Variants in TANC1 observed in about 807,000 individuals in gnomAD.
TANC1 encodes the protein protein TANC1.
Under a neutral mutation model 149.7 loss-of-function variants are expected in TANC1, and 77 were observed. The observed-to-expected ratio is 0.51, with a 90% CI of 0.43 to 0.62. TANC1 has a LOEUF of 0.62. TANC1 is among the 20% of genes least tolerant of loss of function. The pLI is 0.00. For missense variants in TANC1, 1,985 were observed against 2,321.8 expected (o/e 0.85, Z 2.98); for synonymous variants, 854 against 925.0 (o/e 0.92, Z 1.39).
At chr2:159,210,870 C>G (rs912686479) in intron 19 of TANC1, among the ~76,000 whole-genome samples, 3 of 150,244 alleles carry the variant, frequency 2.0e-5, no homozygotes, top group South Asian at 2.1e-4. Context: ...CATGCCTGAT[C>G]TTTTAATTTT....
intron 2 of TANC1, among the ~76,000 whole-genome samples, chr2:159,045,380 C>T (rs1017847812): frequency 3.9e-5 from 6 of 151,958 alleles, no homozygotes; most frequent in African/African-American, 9.7e-5. Context: ...TGCAGTGAGC[C>T]GAGATTGCAC....
At chr2:159,218,767 A>G (rs564000168) in intron 20 of TANC1, among the ~76,000 whole-genome samples, 1 of 152,326 alleles carries the variant, frequency 6.6e-6, no homozygotes, top group Admixed American at 6.5e-5. Context: ...CCAATGCTGC[A>G]TCTTAGGAAA....
intron 1 of TANC1, among the ~76,000 whole-genome samples, chr2:158,981,511 ATAT>A (rs2034351372): frequency 9.2e-6 from 1 of 109,084 alleles, no homozygotes; most frequent in African/African-American, 3.3e-5. Flanking sequence ...ATATATATAT[ATAT>A]ATATATATAT....
intron 2 of TANC1, among the ~76,000 whole-genome samples, chr2:159,015,937 C>T (rs264616): frequency 0.44 from 66,881 of 151,958 alleles, 15,360 homozygotes; most frequent in African/African-American, 0.56. Context: ...TTCCCACATT[C>T]TTCTGTCTTC....
At chr2:159,088,748 ATTC>A (rs1157481487) in intron 3 of TANC1, among the ~76,000 whole-genome samples, 2 of 152,174 alleles carry the variant, frequency 1.3e-5, no homozygotes, top group Non-Finnish European at 2.9e-5. Flanking sequence ...GCCCAAGACA[ATTC>A]TTCTTCCAAT....
At chr2:159,010,402 C>A (rs528778391) in intron 2 of TANC1, among the ~76,000 whole-genome samples, 2 of 152,046 alleles carry the variant, frequency 1.3e-5, no homozygotes, top group Non-Finnish European at 2.9e-5. Context: ...GCTAGGAGTC[C>A]TTGAGAAAAG....
In TANC1 at chr2:159,227,888, G is replaced by A. The variant is rs377451555; in HGVS notation, c.3973G>A (p.Gly1325Arg). The stretch of plus-strand genomic sequence containing the variant: ...AAGAAAGTTTCCTCGAGAAGGATTC[G>A]GAGAGGACATGAGACCCTTCAATGA... ...ALRKFPREGF[G>R]EDMRPFNELR... The change falls in exon 25 of 27, where the codon GGA (glycine) becomes AGA (arginine). Residue 1325 changes from glycine to arginine, a missense_variant. Around this residue, in one of 3 missense-constraint regions of TANC1, gnomAD observed 920 missense variants for 994.7 expected, o/e 0.92. Transcript: ENST00000263635. 1.1e-5 allele frequency: 18 copies of A among 1,613,982 alleles called. No homozygotes were observed. In the African/African-American group the frequency reaches 1.2e-4, roughly 11 times the overall value.
At position 159,178,696 on chromosome 2, in the gene TANC1, T is replaced by C. The variant is rs6748288; in HGVS notation, c.2043T>C (p.Asn681=). 1,603,172 of 1,614,138 alleles carry C rather than the reference T, an allele frequency of 0.99. 796,277 individuals are homozygous for C. Among genetic ancestry groups the C allele is most frequent in the East Asian group, 1 (44,819 of 44,824 alleles). Residue 681 remains asparagine, a synonymous_variant, in exon 14 of 27, where the codon AAT becomes AAC. Transcript: ENST00000263635. ...SQDILSNISL[N]GKADATLIGK... ...ACATCCTCAGCAACATCTCCCTGAA[T>C]GGCAAGGCCGATGCCACACTCATTG...
At chr2:159,118,219 C>T (rs1303197005) in intron 4 of TANC1, among the ~76,000 whole-genome samples, 4 of 152,138 alleles carry the variant, frequency 2.6e-5, no homozygotes, top group Non-Finnish European at 4.4e-5. Context: ...CTCCCCCTTC[C>T]ATATATTAAC....
At chr2:158,999,516 T>G (rs183881414) in intron 1 of TANC1, among the ~76,000 whole-genome samples, 48 of 152,338 alleles carry the variant, frequency 3.2e-4, no homozygotes, top group African/African-American at 8.4e-4. Flanking sequence ...CTGGGACAAC[T>G]GCATTGATCC....
intron 3 of TANC1, among the ~76,000 whole-genome samples, chr2:159,095,766 G>C (rs985836979): frequency 1.4e-5 from 2 of 146,618 alleles, no homozygotes; most frequent in Admixed American, 1.4e-4. Flanking sequence ...AGTAAGGCAT[G>C]TACCTGTCCT....
chr2:159,211,194 C>T (rs1036892936), intron 19 of TANC1, among the ~76,000 whole-genome samples: 4 of 152,174 alleles, frequency 2.6e-5, no homozygotes, highest in African/African-American at 7.2e-5. Flanking sequence ...TTAAAATGAA[C>T]GTCTGCCATT....
intron 2 of TANC1, among the ~76,000 whole-genome samples, chr2:159,042,431 A>G (rs2040718628): frequency 6.6e-6 from 1 of 152,164 alleles, no homozygotes; most frequent in Non-Finnish European, 1.5e-5. Flanking sequence ...CCAGGGAGAT[A>G]GGCTCTGGGT....
At chr2:159,170,249 C>G (rs533053702) in intron 9 of TANC1, among the ~76,000 whole-genome samples, 1 of 152,296 alleles carries the variant, frequency 6.6e-6, no homozygotes, top group South Asian at 2.1e-4. Flanking sequence ...CTCTGTGTGT[C>G]TGCCTTGAGT....
chr2:159,217,352 A>G (rs1464364537), intron 19 of TANC1, 145 bp from the exon 20 acceptor site: 3 of 1,024,418 alleles, frequency 2.9e-6, no homozygotes, highest in African/African-American at 1.6e-5. Context: ...CTGTTGGTCA[A>G]AGCTGTCACA....
At chr2:159,033,227 G>A (rs1334781334) in intron 2 of TANC1, among the ~76,000 whole-genome samples, 1 of 152,190 alleles carries the variant, frequency 6.6e-6, no homozygotes, top group Non-Finnish European at 1.5e-5. Context: ...AGTGATTTAA[G>A]TCAGGGGCTT....
At chr2:159,143,324 C>G (rs2051643075) in intron 5 of TANC1, among the ~76,000 whole-genome samples, 1 of 151,878 alleles carries the variant, frequency 6.6e-6, no homozygotes, top group African/African-American at 2.4e-5. Context: ...TGACCCAATG[C>G]ATAATGTTAC....
At chr2:159,062,973 C>CCAAAAAAAAAAAAAAAAAAAAAAAAA (rs770866772) in intron 2 of TANC1, among the ~76,000 whole-genome samples, 2 of 41,208 alleles carry the variant, frequency 4.9e-5, no homozygotes, top group Non-Finnish European at 1.1e-4. Context: ...GACTCCGTCT[C>CCAAAAAAAAAAAAAAAAAAAAAAAAA]AAAAAAAAAA....
intron 19 of TANC1, among the ~76,000 whole-genome samples, chr2:159,213,231 G>T (rs2059119598): frequency 6.6e-6 from 1 of 152,034 alleles, no homozygotes; most frequent in Non-Finnish European, 1.5e-5. Context: ...GCATATTCTG[G>T]TCTCTCACAA....
Sources: gnomAD v4.1 joint callset for allele counts (sites outside exome capture counted in the v4.1 genomes callset) on GRCh38, gnomAD v4.1.1 for gene constraint, gnomAD v4.1.1 regional missense constraint, MANE v1.5 for transcripts, NCBI Gene and HGNC (gene_info 2026-07-23, HGNC 2026-07-21) for gene names.